The following ATF6 variants were observed in gnomAD, a reference collection of about 807,000 sequenced individuals.
ATF6 encodes the protein cyclic AMP-dependent transcription factor ATF-6 alpha.
ATF6 carries 53 observed loss-of-function variants against 83.6 expected under a neutral mutation model. The observed-to-expected ratio is 0.63, with a 90% confidence interval of 0.51 to 0.80. The LOEUF is 0.80. ATF6 is among the 30% of genes least tolerant of loss of function. The pLI, the probability that ATF6 is intolerant of heterozygous loss-of-function variation, is 0.00. For synonymous variants in ATF6, 288 were observed against 285.8 expected (o/e 1.01, Z -0.08); for missense variants, 744 against 797.9 (o/e 0.93, Z 0.81).
intron 9 of ATF6, among the ~76,000 whole-genome samples, chr1:161,834,876 CAGAG>C (rs943493587): frequency 3.9e-5 from 6 of 151,988 alleles, no homozygotes; most frequent in African/African-American, 1.5e-4. Context: ...CACAGGGAGA[CAGAG>C]AGATAGAAAA....
chr1:161,837,962 G>A (rs1022607462), intron 9 of ATF6, among the ~76,000 whole-genome samples: 2 of 152,198 alleles, frequency 1.3e-5, no homozygotes, highest in Non-Finnish European at 2.9e-5. Flanking sequence ...CTAATATGTG[G>A]CAGAGATCAG....
At chr1:161,891,040 T>G (rs1687544260) in intron 14 of ATF6, 1 of 152,238 alleles carries the variant, frequency 6.6e-6, no homozygotes, top group Non-Finnish European at 1.5e-5. Flanking sequence ...TCCACCTTCT[T>G]TCCTCAGAAG....
chr1:161,810,562 A>G (rs1004220342), intron 7 of ATF6, among the ~76,000 whole-genome samples: 3 of 151,862 alleles, frequency 2.0e-5, no homozygotes, highest in Admixed American at 1.3e-4. Flanking sequence ...GTTGTTAGCA[A>G]TGTGCAAGTG....
At chr1:161,794,514 A>G (rs59021559) in intron 6 of ATF6, among the ~76,000 whole-genome samples, 18,055 of 151,956 alleles carry the variant, frequency 0.12, 1,619 homozygotes, top group East Asian at 0.32. Context: ...GGATCTCACT[A>G]TATTGCTCAG....
intron 14 of ATF6, among the ~76,000 whole-genome samples, chr1:161,867,082 C>T (rs969833754): frequency 6.6e-6 from 1 of 152,126 alleles, no homozygotes; most frequent in Non-Finnish European, 1.5e-5. Context: ...ATCACGAGGT[C>T]AGGAGATTGA....
At chr1:161,784,235 A>ACTTT in intron 4 of ATF6, 139 bp downstream of exon 4, 1 of 635,176 alleles carries the variant, frequency 1.6e-6, no homozygotes, top group East Asian at 3.0e-5. Context: ...GAGACTCAAG[A>ACTTT]AAGAGCCTTG....
At chr1:161,789,116 A>G (rs1394729253) in intron 4 of ATF6, among the ~76,000 whole-genome samples, 5 of 152,096 alleles carry the variant, frequency 3.3e-5, no homozygotes, top group South Asian at 2.1e-4. Context: ...TGGGGTATCC[A>G]TCCCCTCAAG....
intron 9 of ATF6, chr1:161,840,087 T>C (rs1246844557): frequency 6.6e-6 from 1 of 152,202 alleles, no homozygotes; most frequent in Non-Finnish European, 1.5e-5. Flanking sequence ...GGAAGACAAG[T>C]GTCCTGCTCT....
chr1:161,811,717 TATCC>T (rs1244383260), intron 7 of ATF6, among the ~76,000 whole-genome samples: 4 of 149,670 alleles, frequency 2.7e-5, no homozygotes, highest in South Asian at 2.1e-4. Context: ...ATCCATCCAC[TATCC>T]ATCCATCCAT....
At chr1:161,947,452 G>A (rs1688771017) in intron 15 of ATF6, among the ~76,000 whole-genome samples, 1 of 152,200 alleles carries the variant, frequency 6.6e-6, no homozygotes, top group Non-Finnish European at 1.5e-5. Flanking sequence ...AGGACAGAGA[G>A]GGAAGCCCAG....
At chr1:161,778,173 G>A in intron 1 of ATF6, 71 bp from the exon 2 acceptor site, 1 of 1,256,942 alleles carries the variant, frequency 8.0e-7, no homozygotes. Flanking sequence ...GTGACATAGG[G>A]ACACAGTGCT....
At chr1:161,813,281 A>C (rs1352858573) in intron 7 of ATF6, among the ~76,000 whole-genome samples, 1 of 152,154 alleles carries the variant, frequency 6.6e-6, no homozygotes, top group African/African-American at 2.4e-5. Flanking sequence ...ACCTTATTTG[A>C]ATAATTTGGT....
chr1:161,818,553 T>C (rs1685672710), intron 7 of ATF6, among the ~76,000 whole-genome samples: 1 of 152,164 alleles, frequency 6.6e-6, no homozygotes, highest in African/African-American at 2.4e-5. Flanking sequence ...CTCCAAATTC[T>C]AAGGGTATAA....
intron 7 of ATF6, among the ~76,000 whole-genome samples, chr1:161,816,152 T>C (rs539713708): frequency 2.2e-4 from 33 of 152,000 alleles, no homozygotes; most frequent in African/African-American, 7.5e-4. Flanking sequence ...AGCTGTAGAG[T>C]TTTTTCTTTT....
At chr1:161,887,376 G>A (rs137933167) in intron 14 of ATF6, among the ~76,000 whole-genome samples, 32 of 152,170 alleles carry the variant, frequency 2.1e-4, no homozygotes, top group African/African-American at 7.2e-4. Flanking sequence ...CACTGCACTC[G>A]GCCTGAAGCA....
intron 13 of ATF6, among the ~76,000 whole-genome samples, chr1:161,861,390 G>A (rs1336332856): frequency 6.6e-6 from 1 of 152,076 alleles, no homozygotes; most frequent in African/African-American, 2.4e-5. Flanking sequence ...ACAATGAGCA[G>A]CATATCAGCA....
At chr1:161,870,315 T>C (rs916413022) in intron 14 of ATF6, among the ~76,000 whole-genome samples, 5 of 151,834 alleles carry the variant, frequency 3.3e-5, no homozygotes, top group Non-Finnish European at 7.4e-5. Context: ...TGAAATATTA[T>C]AGTATAGCTT....
chr1:161,918,571 GTA>G (rs1392664658), intron 15 of ATF6, among the ~76,000 whole-genome samples: 1 of 152,138 alleles, frequency 6.6e-6, no homozygotes, highest in African/African-American at 2.4e-5. Flanking sequence ...TTTAAGTTAT[GTA>G]GGCACAAAAA....
At chr1:161,818,384 C>A (rs1349179125) in intron 7 of ATF6, among the ~76,000 whole-genome samples, 1 of 152,082 alleles carries the variant, frequency 6.6e-6, no homozygotes, top group Non-Finnish European at 1.5e-5. Context: ...AAAATAATTT[C>A]GCTCAGTAAG....
Sources: allele counts gnomAD v4.1 joint callset (sites outside exome capture counted in the v4.1 genomes callset), GRCh38; gene constraint gnomAD v4.1.1; transcripts MANE v1.5; gene names NCBI Gene and HGNC (gene_info 2026-07-23, HGNC 2026-07-21).